FBXL13: variants seen among roughly 807,000 people sequenced by gnomAD.
The protein encoded by FBXL13 is F-box and leucine-rich repeat protein 13.
FBXL13 carries 67 observed loss-of-function variants against 83.6 expected under a neutral mutation model. The ratio of observed to expected loss-of-function variants is 0.80; its 90% confidence interval spans 0.66 to 0.98. The LOEUF (loss-of-function observed/expected upper bound fraction) is 0.98. Among genes scored for constraint, FBXL13 ranks in the 50% least tolerant of loss-of-function variants. The pLI, the probability that FBXL13 is intolerant of heterozygous loss-of-function variation, is 0.00. For synonymous variants in FBXL13, 272 were observed against 299.5 expected (o/e 0.91, Z 0.95); for missense variants, 822 against 866.5 (o/e 0.95, Z 0.64).
At chr7:103,060,018 TTTTATATATATATATA>T (rs1797702927) in intron 1 of FBXL13, among the ~76,000 whole-genome samples, 3 of 58,354 alleles carry the variant, frequency 5.1e-5, no homozygotes, top group Non-Finnish European at 1.0e-4. Flanking sequence ...TAGCAAGATA[TTTTATATATATATATA>T]TATATATATA....
chr7:102,821,997 A>C, intron 19 of FBXL13, 43 bp downstream of exon 20: 1 of 1,594,120 alleles, frequency 6.3e-7, no homozygotes, highest in Non-Finnish European at 8.6e-7. Context: ...GTTTTCTCAG[A>C]AAGTAGTTCT....
In FBXL13 at chr7:102,877,464, T is replaced by C; in HGVS notation, c.1635+3A>G. The C allele has an allele frequency of 6.3e-7, 1 of 1,575,146 alleles. No homozygotes were observed. Among genetic ancestry groups the C allele is most frequent in the Admixed American group, 2.0e-5 (1 of 50,572 alleles). On this transcript the variant is annotated splice_donor_region_variant and intron_variant, in intron 16 of 19. Coordinates refer to ENST00000313221, the Ensembl canonical transcript of FBXL13. ...GTCATTGTACTGTTTTGAATTTTTTTACCTCATTAGAGATGTCTGTTCCAG... is the reference window on the plus strand; with the variant it reads ...GTCATTGTACTGTTTTGAATTTTTTCACCTCATTAGAGATGTCTGTTCCAG...
At chr7:102,920,416 T>C (rs1194295376) in intron 10 of FBXL13, among the ~76,000 whole-genome samples, 1 of 151,958 alleles carries the variant, frequency 6.6e-6, no homozygotes, top group East Asian at 1.9e-4. Flanking sequence ...CACAGCACAA[T>C]CATGACTCAC....
intron 6 of FBXL13, among the ~76,000 whole-genome samples, chr7:102,990,095 TG>T (rs1209148885): frequency 6.6e-6 from 1 of 152,214 alleles, no homozygotes; most frequent in Non-Finnish European, 1.5e-5. Flanking sequence ...ATAGGTAAAT[TG>T]GAAATGTCCT....
At chr7:102,982,756 G>A (rs758205904) in intron 6 of FBXL13, among the ~76,000 whole-genome samples, 1 of 152,148 alleles carries the variant, frequency 6.6e-6, no homozygotes, top group Non-Finnish European at 1.5e-5. Flanking sequence ...ATGTGTAACT[G>A]TGAGTCCATT....
intron 17 of FBXL13, among the ~76,000 whole-genome samples, chr7:102,850,947 G>A (rs1279974801): frequency 3.9e-5 from 6 of 152,152 alleles, no homozygotes; most frequent in South Asian, 2.1e-4. Flanking sequence ...CAGACCCAGT[G>A]AGAAACAGCA....
At chr7:102,958,149 A>G (rs1824581758) in intron 8 of FBXL13, among the ~76,000 whole-genome samples, 1 of 152,184 alleles carries the variant, frequency 6.6e-6, no homozygotes, top group Admixed American at 6.5e-5. Context: ...ATGCCCATCA[A>G]TGATAGACTG....
chr7:102,988,925 T>A (rs964424781), intron 6 of FBXL13: 1 of 152,192 alleles, frequency 6.6e-6, no homozygotes, highest in Non-Finnish European at 1.5e-5. Context: ...GGGAGCTCAG[T>A]ATAAGGGTAT....
intron 19 of FBXL13, among the ~76,000 whole-genome samples, chr7:102,813,871 A>T (rs556760179): frequency 1.0e-3 from 153 of 152,122 alleles, no homozygotes; most frequent in Non-Finnish European, 1.4e-3. Flanking sequence ...CTGATGAGGG[A>T]GTAACCTAAC....
intron 11 of FBXL13, among the ~76,000 whole-genome samples, chr7:102,907,225 CTT>C (rs1222769055): frequency 6.6e-6 from 1 of 152,150 alleles, no homozygotes; most frequent in Non-Finnish European, 1.5e-5. Context: ...ACTTCTATCT[CTT>C]TGTCTACCTC....
chr7:102,811,970 T>C (rs1797458677), downstream of FBXL13, among the ~76,000 whole-genome samples: 1 of 152,244 alleles, frequency 6.6e-6, no homozygotes, highest in East Asian at 1.9e-4. Context: ...TAATACTTTG[T>C]ACAATCTTTT....
intron 8 of FBXL13, among the ~76,000 whole-genome samples, chr7:102,935,166 C>T (rs1820039293): frequency 6.6e-6 from 1 of 151,192 alleles, no homozygotes; most frequent in Non-Finnish European, 1.5e-5. Context: ...AGTGATGGCC[C>T]TTCGGTATTT....
intron 8 of FBXL13, among the ~76,000 whole-genome samples, chr7:102,949,451 T>C (rs1264240944): frequency 2.0e-5 from 3 of 152,190 alleles, no homozygotes; most frequent in Non-Finnish European, 2.9e-5. Context: ...TAAGCCCTAG[T>C]GTCCATCATT....
intron 6 of FBXL13, among the ~76,000 whole-genome samples, chr7:103,009,487 A>G (rs926892642): frequency 2.0e-5 from 3 of 152,224 alleles, no homozygotes; most frequent in Non-Finnish European, 4.4e-5. Flanking sequence ...GACTTGTGCA[A>G]GACTGGGAAT....
chr7:102,926,405 C>T (rs1470092642), intron 9 of FBXL13, 31 bp from the exon 11 acceptor site: 3 of 1,541,452 alleles, frequency 1.9e-6, no homozygotes, highest in Non-Finnish European at 1.8e-6. Flanking sequence ...AGAGGCTTAT[C>T]AAATTATAGC....
At chr7:103,054,408 AGAG>A (rs1467251729) in intron 2 of FBXL13, among the ~76,000 whole-genome samples, 2 of 147,884 alleles carry the variant, frequency 1.4e-5, no homozygotes, top group South Asian at 2.2e-4. Flanking sequence ...AAAAAAAAAA[AGAG>A]AGAGAGTTAT....
At chr7:102,814,483 T>C (rs1797724183) in intron 19 of FBXL13, 1 of 152,180 alleles carries the variant, frequency 6.6e-6, no homozygotes, top group East Asian at 1.9e-4. Flanking sequence ...AACATAGAGA[T>C]AACAGTTTAA....
chr7:102,839,446 T>C (rs575588814), intron 17 of FBXL13, among the ~76,000 whole-genome samples: 1 of 152,316 alleles, frequency 6.6e-6, no homozygotes, highest in African/African-American at 2.4e-5. Context: ...ATTTCTTTTC[T>C]CAGTCTCTCG....
At chr7:102,912,892 C>T in intron 11 of FBXL13, 194 bp downstream of exon 12, 1 of 613,922 alleles carries the variant, frequency 1.6e-6, no homozygotes, top group Non-Finnish European at 2.7e-6. Context: ...TGTGACACTC[C>T]AGTGGAAGGA....
Sources: gnomAD v4.1 joint callset for allele counts (sites outside exome capture counted in the v4.1 genomes callset) on GRCh38, gnomAD v4.1.1 for gene constraint, MANE v1.5 for transcripts, NCBI Gene and HGNC (gene_info 2026-07-23, HGNC 2026-07-21) for gene names.